Variants in GPR158 observed in about 807,000 individuals in gnomAD.
GPR158 encodes the protein metabotropic glycine receptor.
A neutral mutation model predicts 78.2 loss-of-function variants in GPR158; 30 were observed. The observed-to-expected ratio is 0.38, with a 90% CI of 0.29 to 0.52. The LOEUF (loss-of-function observed/expected upper bound fraction) is 0.52, where lower values mean the gene tolerates loss of function less well. Among genes scored for constraint, GPR158 ranks in the 20% least tolerant of loss-of-function variants. The pLI is 0.83. For synonymous variants in GPR158, 581 were observed against 591.1 expected (o/e 0.98, Z 0.25); for missense variants, 1,463 against 1,523.5 (o/e 0.96, Z 0.66).
Position 25,503,573 on chromosome 10 carries a change from A to G in GPR158, c.1404+36854A>G, listed in dbSNP as rs571809679. Among the ~76,000 whole-genome samples the G allele has an allele frequency of 3.3e-5, 5 of 152,324 alleles. No homozygotes were observed. In the South Asian group the frequency reaches 1.0e-3, roughly 32 times the overall value. On this transcript the variant is annotated intron_variant, in intron 5 of 10. Transcript: ENST00000376351. ...CAGAATTCAAAATCTCTACTGTGTC[A>G]GTATTACAGGGAGAATCTCTGGGTA...
intron 8 of GPR158, 134 bp from the exon 9 acceptor site, chr10:25,594,157 TA>T: frequency 1.7e-6 from 1 of 592,466 alleles, no homozygotes; most frequent in South Asian, 2.0e-5. Flanking sequence ...GATGAAAATA[TA>T]TGCCATAGAA....
chr10:25,250,558 A>C (rs1195764765), intron 2 of GPR158, among the ~76,000 whole-genome samples: 1 of 145,334 alleles, frequency 6.9e-6, no homozygotes, highest in Non-Finnish European at 1.5e-5. Context: ...TTCTGCCTTC[A>C]TTTCGTTATG....
intron 5 of GPR158, among the ~76,000 whole-genome samples, chr10:25,469,838 C>G (rs375486876): frequency 4.0e-5 from 6 of 151,334 alleles, no homozygotes; most frequent in Non-Finnish European, 5.9e-5. Context: ...TGAGCCCCCC[C>G]CAACATTCAC....
chr10:25,489,668 T>A (rs1287099220), intron 5 of GPR158, among the ~76,000 whole-genome samples: 1 of 152,064 alleles, frequency 6.6e-6, no homozygotes, highest in Admixed American at 6.6e-5. Flanking sequence ...CCAGAGGAGA[T>A]TTCCTTAGAC....
At chr10:25,243,470 A>T (rs1853651720) in intron 2 of GPR158, among the ~76,000 whole-genome samples, 1 of 152,170 alleles carries the variant, frequency 6.6e-6, no homozygotes, top group South Asian at 2.1e-4. Context: ...TATCCTTCAT[A>T]TGAAGTTCTT....
intron 2 of GPR158, among the ~76,000 whole-genome samples, chr10:25,295,161 G>C (rs896832736): frequency 6.6e-6 from 1 of 152,128 alleles, no homozygotes; most frequent in Non-Finnish European, 1.5e-5. Context: ...TCTTGTTTCT[G>C]ATTACTGACA....
chr10:25,595,502 A>C (rs1472539606), intron 9 of GPR158, among the ~76,000 whole-genome samples: 1 of 152,202 alleles, frequency 6.6e-6, no homozygotes, highest in African/African-American at 2.4e-5. Context: ...AACAACCCAA[A>C]TGTTTACCAA....
At chr10:25,425,163 T>G (rs893971446) in intron 4 of GPR158, among the ~76,000 whole-genome samples, 1 of 152,196 alleles carries the variant, frequency 6.6e-6, no homozygotes, top group Non-Finnish European at 1.5e-5. Context: ...AGTTCACTCT[T>G]GATTTGGCTG....
chr10:25,520,708 G>C (rs574432278), intron 5 of GPR158, among the ~76,000 whole-genome samples: 1 of 152,072 alleles, frequency 6.6e-6, no homozygotes, highest in Non-Finnish European at 1.5e-5. Flanking sequence ...TCAGGGACCC[G>C]CTTGAGGAGG....
intron 4 of GPR158, among the ~76,000 whole-genome samples, chr10:25,416,061 C>G (rs946579419): frequency 6.6e-6 from 1 of 152,074 alleles, no homozygotes; most frequent in Non-Finnish European, 1.5e-5. Context: ...ATTATTAATA[C>G]TTACCTTCTG....
At chr10:25,432,148 A>G (rs991189504) in intron 4 of GPR158, among the ~76,000 whole-genome samples, 1 of 152,198 alleles carries the variant, frequency 6.6e-6, no homozygotes, top group African/African-American at 2.4e-5. Flanking sequence ...AATCAAACAA[A>G]CCTCTTAGGA....
At chr10:25,423,599 T>C (rs1394631444) in intron 4 of GPR158, among the ~76,000 whole-genome samples, 1 of 152,144 alleles carries the variant, frequency 6.6e-6, no homozygotes, top group African/African-American at 2.4e-5. Context: ...GGTGTTCTCA[T>C]TGTTCAATTC....
chr10:25,200,332 C>T (rs1417057082), intron 1 of GPR158, among the ~76,000 whole-genome samples: 1 of 152,062 alleles, frequency 6.6e-6, no homozygotes, highest in Non-Finnish European at 1.5e-5. Flanking sequence ...AGTGTCTGTT[C>T]GTGTCCTTTG....
chr10:25,445,983 A>C (rs1835133997), intron 4 of GPR158, among the ~76,000 whole-genome samples: 1 of 152,134 alleles, frequency 6.6e-6, no homozygotes, highest in African/African-American at 2.4e-5. Flanking sequence ...TCAGAACCAG[A>C]GATAGATTTG....
At chr10:25,454,056 CATTA>C (rs1190675294) in intron 4 of GPR158, among the ~76,000 whole-genome samples, 3 of 152,162 alleles carry the variant, frequency 2.0e-5, no homozygotes, top group East Asian at 1.9e-4. Flanking sequence ...TTTTTCAATT[CATTA>C]ACATGGGATA....
At chr10:25,507,610 C>T (rs1260487782) in intron 5 of GPR158, among the ~76,000 whole-genome samples, 1 of 152,098 alleles carries the variant, frequency 6.6e-6, no homozygotes, top group Admixed American at 6.5e-5. Flanking sequence ...AGCTATATAT[C>T]ACAAAGGAAG....
intron 2 of GPR158, among the ~76,000 whole-genome samples, chr10:25,365,040 A>C (rs1324347886): frequency 1.3e-5 from 2 of 151,584 alleles, no homozygotes; most frequent in Admixed American, 6.6e-5. Flanking sequence ...AAGTACTTGA[A>C]AACATTTTTG....
intron 7 of GPR158, among the ~76,000 whole-genome samples, chr10:25,575,315 T>G (rs533990602): frequency 6.6e-6 from 1 of 152,168 alleles, no homozygotes; most frequent in Non-Finnish European, 1.5e-5. Context: ...TCAAGATGAC[T>G]ATAAGGATGT....
chr10:25,573,398 T>C (rs892236147), intron 7 of GPR158, among the ~76,000 whole-genome samples: 1 of 152,250 alleles, frequency 6.6e-6, no homozygotes, highest in African/African-American at 2.4e-5. Context: ...ACAACTTATT[T>C]ATAATTCTCT....
Sources: allele counts gnomAD v4.1 joint callset (sites outside exome capture counted in the v4.1 genomes callset), GRCh38; gene constraint gnomAD v4.1.1; transcripts MANE v1.5; gene names NCBI Gene and HGNC (gene_info 2026-07-23, HGNC 2026-07-21).